SIRPD: variants seen among roughly 807,000 people sequenced by gnomAD.
SIRPD encodes the protein signal regulatory protein delta, also known as signal-regulatory protein delta.
SIRPD carries 21 observed loss-of-function variants against 18.0 expected under a neutral mutation model. That is an observed-to-expected ratio of 1.17 (90% CI 0.83 to 1.68). The LOEUF is 1.68. Ranked by LOEUF, SIRPD falls within the 40% of genes most tolerant of loss-of-function variation. The probability of loss-of-function intolerance (pLI) is 0.00; values close to 1 mark genes in which losing one functional copy is unlikely to be tolerated. For synonymous variants in SIRPD, 106 were observed against 92.9 expected, an observed-to-expected ratio of 1.14 and a Z score of -0.81; for missense variants, 295 against 238.4, an observed-to-expected ratio of 1.24 and a Z score of -1.56.
chr20:1,537,669 C>G (rs761154783), intron 2 of SIRPD, among the ~76,000 whole-genome samples: 1 of 152,060 alleles, frequency 6.6e-6, no homozygotes, highest in South Asian at 2.1e-4. Context: ...GGAGGGCTCC[C>G]GGGAATGGGG....
intron 2 of SIRPD, among the ~76,000 whole-genome samples, chr20:1,538,448 G>T (rs543051609): frequency 6.6e-6 from 1 of 152,130 alleles, no homozygotes; most frequent in Admixed American, 6.5e-5. Flanking sequence ...CTATTTTCTA[G>T]AGCTGACTGC....
Position 1,551,985 on chromosome 20 carries a change from T to A in SIRPD, c.127A>T (p.Thr43Ser), listed in dbSNP as rs752563584. 1 of 1,614,112 alleles carries A rather than the reference T, an allele frequency of 6.2e-7. No homozygotes were observed. Among genetic ancestry groups the A allele is most frequent in the South Asian group, 1.1e-5 (1 of 91,078 alleles). ...QQTEMSQTVS[T>S]GESIILSCSV... Reference sequence around the variant, plus strand: ...CAACTCAAGATGATTGACTCCCCAGTTGATACAGTCTGTGACATCTCCGTT... The same window carrying A: ...CAACTCAAGATGATTGACTCCCCAGATGATACAGTCTGTGACATCTCCGTT... The change falls in exon 2 of 4, where the codon ACT becomes TCT. Residue 43 changes from threonine to serine, a missense_variant. By Grantham distance (58) the Thr-to-Ser change is moderately conservative (BLOSUM62 1). Transcript: ENST00000381623.
At chr20:1,551,099 CA>C (rs1208177908) in intron 2 of SIRPD, among the ~76,000 whole-genome samples, 3 of 152,152 alleles carry the variant, frequency 2.0e-5, no homozygotes, top group Admixed American at 6.5e-5. Context: ...ATTGGCTTAG[CA>C]AGGAGATGTT....
At chr20:1,545,809 A>G (rs1285966405) in intron 2 of SIRPD, among the ~76,000 whole-genome samples, 1 of 151,922 alleles carries the variant, frequency 6.6e-6, no homozygotes, top group South Asian at 2.1e-4. Flanking sequence ...TTGCATGCTC[A>G]TCCTTTTTGT....
chr20:1,552,096 C>CCAT, intron 1 of SIRPD, 58 bp from the exon 2 acceptor site: 1 of 1,436,254 alleles, frequency 7.0e-7, no homozygotes, highest in Non-Finnish European at 9.6e-7. Context: ...AGCATGGGTA[C>CCAT]GGGTCACGGT....
chr20:1,540,782 C>G (rs1468477624), intron 2 of SIRPD, among the ~76,000 whole-genome samples: 13 of 152,204 alleles, frequency 8.5e-5, no homozygotes, highest in Admixed American at 5.9e-4. Context: ...AATGCTGTCT[C>G]TCCTCTTGTC....
intron 1 of SIRPD, among the ~76,000 whole-genome samples, chr20:1,553,779 C>T (rs1046192279): frequency 6.6e-6 from 1 of 152,170 alleles, no homozygotes; most frequent in African/African-American, 2.4e-5. Context: ...CACAGGTTGT[C>T]CAGAATGGCT....
chr20:1,551,462 T>C (rs1347947622), intron 2 of SIRPD, among the ~76,000 whole-genome samples: 2 of 152,196 alleles, frequency 1.3e-5, no homozygotes, highest in African/African-American at 2.4e-5. Context: ...GATTAAATAT[T>C]GAGAAATCAA....
intron 2 of SIRPD, among the ~76,000 whole-genome samples, chr20:1,548,805 T>C (rs1043676929): frequency 6.6e-6 from 1 of 152,128 alleles, no homozygotes; most frequent in Non-Finnish European, 1.5e-5. Context: ...TTGCTAGTAA[T>C]GTTCCTTCCT....
chr20:1,551,570 T>A (rs777934030), intron 2 of SIRPD, 121 bp downstream of exon 2: 47 of 785,264 alleles, frequency 6.0e-5, no homozygotes, highest in Non-Finnish European at 8.7e-5. Context: ...ATTAAAAAGA[T>A]CAAATGTATG....
intron 2 of SIRPD, 57 bp downstream of exon 2, chr20:1,551,634 T>G (rs1244242424): frequency 1.5e-6 from 2 of 1,334,120 alleles, no homozygotes; most frequent in African/African-American, 2.9e-5. Context: ...ATAGAAGACA[T>G]AACTGCTGAG....
rs548905505 is a variant in SIRPD at position 1,545,270 on chromosome 20, CTT to C, written c.421+6419_421+6420del. Reference sequence around the variant, plus strand: ...TACACCAATCAAACGTAGGTTTGGTCTTTTCAACATAGTCCCATATTTCTTGG... The same window carrying C: ...TACACCAATCAAACGTAGGTTTGGTCTTCAACATAGTCCCATATTTCTTGG... On this transcript the variant is annotated intron_variant, in intron 2 of 3. Transcript: ENST00000381623. Among the ~76,000 whole-genome samples the C allele has an allele frequency of 1.6e-3, 237 of 152,294 alleles. 1 individual carries two copies. Among genetic ancestry groups the C allele is most frequent in the Non-Finnish European group, 1.7e-3 (119 of 68,028 alleles).
chr20:1,542,218 A>G (rs2090975189), intron 2 of SIRPD, among the ~76,000 whole-genome samples: 2 of 152,166 alleles, frequency 1.3e-5, no homozygotes, highest in Admixed American at 6.5e-5. Flanking sequence ...TTGATTCTAT[A>G]AATTACTTTG....
intron 1 of SIRPD, among the ~76,000 whole-genome samples, chr20:1,555,382 A>AAGTTG (rs1317379419): frequency 6.6e-6 from 1 of 152,242 alleles, no homozygotes; most frequent in Non-Finnish European, 1.5e-5. Context: ...AAAGCCTATA[A>AAGTTG]AGTTGTAGTT....
intron 1 of SIRPD, among the ~76,000 whole-genome samples, 193 bp downstream of exon 1, chr20:1,557,388 C>T (rs1252362722): frequency 6.6e-6 from 1 of 152,076 alleles, no homozygotes; most frequent in Non-Finnish European, 1.5e-5. Context: ...AAGAGATTTG[C>T]AACAGACATG....
At chr20:1,537,531 G>A (rs1196228191) in intron 2 of SIRPD, among the ~76,000 whole-genome samples, 4 of 152,178 alleles carry the variant, frequency 2.6e-5, no homozygotes, top group Non-Finnish European at 5.9e-5. Flanking sequence ...CTCACTTTGT[G>A]TCAGGTGTGC....
intron 2 of SIRPD, among the ~76,000 whole-genome samples, chr20:1,551,364 A>G (rs984715450): frequency 6.6e-6 from 1 of 152,210 alleles, no homozygotes; most frequent in Non-Finnish European, 1.5e-5. Context: ...TGATAGACCC[A>G]AACTGGCCAA....
chr20:1,557,533 A>G, intron 1 of SIRPD, 48 bp downstream of exon 1: 1 of 1,415,700 alleles, frequency 7.1e-7, no homozygotes, highest in Non-Finnish European at 9.3e-7. Flanking sequence ...TTCACTAAAC[A>G]GGCAGAGGGG....
Position 1,552,020 on chromosome 20 carries a change from T to G in SIRPD, c.92A>C (p.His31Pro), listed in dbSNP as rs866429642. 3.1e-6 allele frequency: 5 copies of G among 1,613,232 alleles called. No homozygotes were observed. The highest frequency in any genetic ancestry group is 3.3e-4 in the Middle Eastern group (2 of 6,058). ...CTGTGACATCTCCGTTTGTTGCACA[T>G]GGAACACATGTGTGACTCCTGGAAA... Reference protein sequence around the residue: ...LELAGVTHVFHVQQTEMSQTV... With the variant: ...LELAGVTHVFPVQQTEMSQTV... Residue 31 changes from histidine to proline, a missense_variant, in exon 2 of 4, where the codon CAT (histidine) becomes CCT (proline). Coordinates refer to ENST00000381623, the MANE Select transcript of SIRPD (RefSeq NM_178460.3).
Sources: allele counts gnomAD v4.1 joint callset (sites outside exome capture counted in the v4.1 genomes callset), GRCh38; gene constraint gnomAD v4.1.1; transcripts MANE v1.5; gene names NCBI Gene and HGNC (gene_info 2026-07-23, HGNC 2026-07-21).